ANKRD17: variants seen among roughly 807,000 people sequenced by gnomAD.
The protein encoded by ANKRD17 is ankyrin repeat domain 17, also known as ankyrin repeat domain-containing protein 17.
In ANKRD17, 19 loss-of-function variants were observed where a neutral mutation model predicts 229.7. The ratio of observed to expected loss-of-function variants is 0.08; its 90% confidence interval spans 0.06 to 0.12. The LOEUF is 0.12. Among genes scored for constraint, ANKRD17 ranks in the 10% least tolerant of loss-of-function variants. ANKRD17 has a pLI of 1.00. For missense variants in ANKRD17, 2,176 were observed against 3,176.8 expected (o/e 0.68, Z 7.57); for synonymous variants, 1,112 against 1,146.1 (o/e 0.97, Z 0.60).
In ANKRD17 at chr4:73,135,208, G is replaced by C. The variant is rs1328639550; in HGVS notation, c.3143C>G (p.Ser1048Cys). 6.2e-7 allele frequency: 1 copy of C among 1,613,928 alleles called. No individual in the cohort carries two copies. The highest frequency in any genetic ancestry group is 1.7e-5 in the Admixed American group (1 of 60,010). Residue 1048 changes from serine (S) to cysteine (C), a missense_variant, in exon 16 of 34, where the codon TCC (serine) becomes TGC (cysteine). Around this residue, in one of 18 missense-constraint regions of ANKRD17, gnomAD observed 230 missense variants for 252.3 expected, o/e 0.91. Transcript: ENST00000358602. The stretch of plus-strand genomic sequence containing the variant: ...AGTTGGAGTCTGAGGTTGGGAAATG[G>C]ATGCAGCAATACTGTGGGTAGGAGT... Reference protein sequence around the residue: ...SNTPTHSIAASISQPQTPTPS... With the variant: ...SNTPTHSIAACISQPQTPTPS...
intron 24 of ANKRD17, among the ~76,000 whole-genome samples, chr4:73,103,626 C>A (rs535108642): frequency 1.3e-5 from 2 of 152,262 alleles, no homozygotes; most frequent in East Asian, 3.9e-4. Flanking sequence ...ATCTAGCATT[C>A]TGAATTATTT....
chr4:73,251,790 C>T (rs1745056407), intron 1 of ANKRD17, among the ~76,000 whole-genome samples: 1 of 152,122 alleles, frequency 6.6e-6, no homozygotes, highest in African/African-American at 2.4e-5. Context: ...AATGCAACTG[C>T]ACTGCCTCAA....
chr4:73,187,668 C>T (rs1261945737), intron 1 of ANKRD17, among the ~76,000 whole-genome samples: 1 of 152,206 alleles, frequency 6.6e-6, no homozygotes, highest in African/African-American at 2.4e-5. Context: ...GTTGAGTGTA[C>T]TTCCATTTTC....
In ANKRD17 at chr4:73,258,486, G is replaced by T; in HGVS notation, c.183C>A (p.Leu61=). The T allele has an allele frequency of 6.3e-7, 1 of 1,579,926 alleles. No homozygotes were observed. Among genetic ancestry groups the T allele is most frequent in the Non-Finnish European group, 8.6e-7 (1 of 1,164,486 alleles). ...PRGMVRVCDL[L]LKKKPPQQQH... Reference sequence around the variant, plus strand: ...GCTGCTGCGGCGGCTTCTTCTTCAGGAGCAGGTCGCAGACTCGCACCATCC... The same window carrying T: ...GCTGCTGCGGCGGCTTCTTCTTCAGTAGCAGGTCGCAGACTCGCACCATCC... Residue 61 remains leucine, a synonymous_variant, in exon 1 of 34, where the codon CTC becomes CTA. Transcript: ENST00000358602.
At chr4:73,089,353 AT>A (rs985815665) in intron 29 of ANKRD17, among the ~76,000 whole-genome samples, 25 of 151,092 alleles carry the variant, frequency 1.7e-4, no homozygotes, top group Admixed American at 5.3e-4. Flanking sequence ...AAAAAAAAAA[AT>A]TTTTTTTTAA....
intron 29 of ANKRD17, among the ~76,000 whole-genome samples, chr4:73,087,737 T>G (rs1473037571): frequency 6.6e-6 from 1 of 152,194 alleles, no homozygotes; most frequent in Non-Finnish European, 1.5e-5. Context: ...AATAGTGGCA[T>G]AGCTGTGAAG....
chr4:73,092,075 T>C lies in ANKRD17; in HGVS notation c.5553A>G (p.Ala1851=). ...CAGAAGAAATTGCAGGCACAGTGAG[T>C]GCTGTGGCAGTTTGAGATGTTGATG... is the stretch of plus-strand genomic sequence containing the variant. ...ALSSTSQTAT[A]LTVPAISSAS... Residue 1851 remains alanine (A), a synonymous_variant, in exon 29 of 34, where the codon GCA becomes GCG. Transcript: ENST00000358602. 1 of 1,614,190 alleles carries C rather than the reference T, an allele frequency of 6.2e-7. No homozygotes were observed. The highest frequency in any genetic ancestry group is 2.2e-5 in the East Asian group (1 of 44,890).
chr4:73,155,340 A>C (rs1437778866), intron 5 of ANKRD17, among the ~76,000 whole-genome samples: 1 of 152,216 alleles, frequency 6.6e-6, no homozygotes, highest in East Asian at 1.9e-4. Context: ...GGATTTGAGC[A>C]CTACGGCCCA....
chr4:73,177,770 C>T (rs1734934173), intron 1 of ANKRD17, among the ~76,000 whole-genome samples: 1 of 152,096 alleles, frequency 6.6e-6, no homozygotes, highest in South Asian at 2.1e-4. Context: ...GCCTAATTTT[C>T]TTTACTAATA....
At chr4:73,223,107 G>T in intron 1 of ANKRD17, 1 of 1,467,040 alleles carries the variant, frequency 6.8e-7, no homozygotes, top group Non-Finnish European at 9.2e-7. Flanking sequence ...GTCAGCAAGG[G>T]AACAGGAAAT....
chr4:73,203,528 C>T (rs111834794), intron 1 of ANKRD17, among the ~76,000 whole-genome samples: 5 of 151,934 alleles, frequency 3.3e-5, no homozygotes, highest in Non-Finnish European at 7.4e-5. Flanking sequence ...GAGGCCCAGG[C>T]GGGCGGATCA....
At chr4:73,165,787 C>T (rs1365856206) in intron 2 of ANKRD17, among the ~76,000 whole-genome samples, 1 of 152,154 alleles carries the variant, frequency 6.6e-6, no homozygotes, top group Non-Finnish European at 1.5e-5. Flanking sequence ...CTTGCCACTG[C>T]TGACTTAAAG....
chr4:73,170,510 G>GCAA (rs1733840675), intron 2 of ANKRD17, among the ~76,000 whole-genome samples: 1 of 151,032 alleles, frequency 6.6e-6, no homozygotes, highest in Non-Finnish European at 1.5e-5. Context: ...AGCTATGGTG[G>GCAA]CAACAGTGAC....
chr4:73,158,539 G>C (rs1732077445), intron 3 of ANKRD17, among the ~76,000 whole-genome samples: 1 of 150,692 alleles, frequency 6.6e-6, no homozygotes, highest in Non-Finnish European at 1.5e-5. Context: ...CATTTTAAGT[G>C]AGGACTTCTC....
rs1349632858 is a variant in ANKRD17 at position 73,237,565 on chromosome 4, G to C, written c.393+20711C>G. 2.6e-5 allele frequency among the ~76,000 whole-genome samples: 4 copies of C among 152,154 alleles called. No homozygotes were observed. In the East Asian group the frequency reaches 7.7e-4, roughly 29 times the overall value. On this transcript the variant is annotated intron_variant, in intron 1 of 33. Coordinates refer to ENST00000358602, the MANE Select transcript of ANKRD17 (RefSeq NM_032217.5). The stretch of plus-strand genomic sequence containing the variant: ...TGCAGAGTAAGAAAAGGAAGAAAAG[G>C]TACAAGTGAAAGGAGTCCACAAAGT...
chr4:73,192,853 C>T (rs967281106), intron 1 of ANKRD17, among the ~76,000 whole-genome samples: 1 of 152,066 alleles, frequency 6.6e-6, no homozygotes, highest in African/African-American at 2.4e-5. Flanking sequence ...AGCAACTGCT[C>T]GTTTTCTCAA....
intron 30 of ANKRD17, among the ~76,000 whole-genome samples, chr4:73,081,145 C>A (rs1478789725): frequency 6.6e-6 from 1 of 152,192 alleles, no homozygotes; most frequent in Non-Finnish European, 1.5e-5. Flanking sequence ...AGTAATCTGA[C>A]TGAAATGGTC....
chr4:73,085,716 G>A (rs555095048), intron 29 of ANKRD17, among the ~76,000 whole-genome samples: 1 of 151,232 alleles, frequency 6.6e-6, no homozygotes, highest in East Asian at 2.0e-4. Context: ...GGCTGGGTGT[G>A]GTGGTTCATG....
chr4:73,121,225 C>T, intron 19 of ANKRD17, 131 bp from the exon 20 acceptor site: 1 of 825,888 alleles, frequency 1.2e-6, no homozygotes, highest in South Asian at 1.6e-5. Context: ...TTTTCTCAAC[C>T]TTAGTAAGTC....
Sources: gnomAD v4.1 joint callset for allele counts (sites outside exome capture counted in the v4.1 genomes callset) on GRCh38, gnomAD v4.1.1 for gene constraint, gnomAD v4.1.1 regional missense constraint, MANE v1.5 for transcripts, NCBI Gene and HGNC (gene_info 2026-07-23, HGNC 2026-07-21) for gene names.